Variants in TTC12 observed in about 807,000 individuals in gnomAD.
TTC12 encodes the protein tetratricopeptide repeat protein 12.
Under a neutral mutation model 90.1 loss-of-function variants are expected in TTC12, and 70 were observed. The observed-to-expected ratio is 0.78, with a 90% CI of 0.64 to 0.95. The LOEUF (loss-of-function observed/expected upper bound fraction) is 0.95. TTC12 is among the 40% of genes least tolerant of loss of function. TTC12 has a pLI of 0.00. For synonymous variants in TTC12, 296 were observed against 311.5 expected, an observed-to-expected ratio of 0.95 and a Z score of 0.53; for missense variants, 819 against 846.1, an observed-to-expected ratio of 0.97 and a Z score of 0.40.
At chr11:113,347,795 A>G (rs1361664349) in intron 13 of TTC12, among the ~76,000 whole-genome samples, 1 of 152,184 alleles carries the variant, frequency 6.6e-6, no homozygotes, top group Non-Finnish European at 1.5e-5. Flanking sequence ...GGGTGACTGG[A>G]ATTCATATTC....
At chr11:113,364,158 C>G (rs1236730218) in intron 20 of TTC12, among the ~76,000 whole-genome samples, 1 of 152,192 alleles carries the variant, frequency 6.6e-6, no homozygotes, top group Non-Finnish European at 1.5e-5. Context: ...ACAGATGGCT[C>G]AAAGATAACA....
chr11:113,355,926 A>C (rs1387868572), intron 16 of TTC12, among the ~76,000 whole-genome samples: 2 of 152,176 alleles, frequency 1.3e-5, no homozygotes, highest in African/African-American at 2.4e-5. Flanking sequence ...TGTTGTTTTC[A>C]TTTGGAGAAA....
At chr11:113,350,583 CATT>C (rs1342682944) in intron 14 of TTC12, among the ~76,000 whole-genome samples, 3 of 152,252 alleles carry the variant, frequency 2.0e-5, no homozygotes, top group Non-Finnish European at 4.4e-5. Flanking sequence ...TTGCCAGTGA[CATT>C]ATGAGTAATG....
At chr11:113,368,558 GC>G, downstream of TTC12, 1 of 1,457,828 alleles carries the variant, frequency 6.9e-7, no homozygotes, top group Non-Finnish European at 9.4e-7. Flanking sequence ...CCATCCTGAA[GC>G]CACAGCAGAG....
chr11:113,352,534 T>C lies in TTC12; in HGVS notation c.1446+327T>C, dbSNP rs1026993080. 5.9e-5 allele frequency among the ~76,000 whole-genome samples: 9 copies of C among 152,254 alleles called. No individual in the cohort carries two copies. In the East Asian group the frequency reaches 1.4e-3, roughly 23 times the overall value. ...AGTAAACTTGTGTCATGGGGGTTTG[T>C]TGTACAGATTATTTCGTTACCCAGG... is the stretch of plus-strand genomic sequence containing the variant. On this transcript the variant is annotated intron_variant, in intron 16 of 21. Coordinates refer to ENST00000529221, the MANE Select transcript of TTC12 (RefSeq NM_017868.4).
At chr11:113,365,861 G>A (rs1950175989) in intron 21 of TTC12, among the ~76,000 whole-genome samples, 1 of 152,206 alleles carries the variant, frequency 6.6e-6, no homozygotes, top group Non-Finnish European at 1.5e-5. Flanking sequence ...TTCAAGTTCT[G>A]TCTGGTTGTT....
intron 9 of TTC12, 31 bp downstream of exon 9, chr11:113,338,865 T>C (rs2137986365): frequency 6.2e-7 from 1 of 1,600,662 alleles, no homozygotes; most frequent in Non-Finnish European, 8.6e-7. Flanking sequence ...GTCCTTCATC[T>C]GAACTCCACC....
At chr11:113,362,259 T>G in intron 18 of TTC12, 142 bp from the exon 19 acceptor site, 1 of 620,062 alleles carries the variant, frequency 1.6e-6, no homozygotes, top group Non-Finnish European at 2.9e-6. Context: ...AACAGTGCTT[T>G]CTATTATTTG....
In TTC12 at chr11:113,356,754, T is replaced by C. The variant is rs964018783; in HGVS notation, c.1447-2609T>C. 8.5e-5 allele frequency among the ~76,000 whole-genome samples: 13 copies of C among 152,322 alleles called. No homozygotes were observed. In the East Asian group the frequency reaches 2.5e-3, roughly 29 times the overall value. On this transcript the variant is annotated intron_variant, in intron 16 of 21. Transcript: ENST00000529221. ...TCTATAATGATGTTGAATATTGGCC[T>C]CCAGTCTCTTCTGGGTTGTAGAGTT...
intron 21 of TTC12, 51 bp downstream of exon 21, chr11:113,365,111 A>G (rs1478179464): frequency 4.5e-6 from 7 of 1,555,516 alleles, no homozygotes; most frequent in Non-Finnish European, 6.2e-6. Context: ...AGAGCAGCTG[A>G]GCTGAGGTGC....
chr11:113,366,898 C>T (rs1205031764), downstream of TTC12, among the ~76,000 whole-genome samples: 1 of 152,200 alleles, frequency 6.6e-6, no homozygotes, highest in Non-Finnish European at 1.5e-5. Flanking sequence ...GTCCCTCTGG[C>T]ACCCTCCTCC....
chr11:113,363,427 C>T (rs781184686), intron 19 of TTC12, among the ~76,000 whole-genome samples: 4 of 152,222 alleles, frequency 2.6e-5, no homozygotes, highest in Non-Finnish European at 5.9e-5. Flanking sequence ...GTTCCTCATG[C>T]AGGACTGTCA....
intron 13 of TTC12, among the ~76,000 whole-genome samples, chr11:113,349,778 T>C (rs1229973149): frequency 2.6e-5 from 4 of 152,050 alleles, no homozygotes; most frequent in Non-Finnish European, 5.9e-5. Context: ...TGAGCCAGAG[T>C]CACATGGCAG....
In TTC12 at chr11:113,363,892, A is replaced by T. The variant is rs771429606; in HGVS notation, c.1781A>T (p.His594Leu). ...CTAGCTATCTGCACGAATAGTTATCATGAAGCTCGGGAAGAAGTAATAAGA... is the reference window on the plus strand; with the variant it reads ...CTAGCTATCTGCACGAATAGTTATCTTGAAGCTCGGGAAGAAGTAATAAGA... ...KILAICTNSY[H>L]EAREEVIRLD... Residue 594 changes from histidine (H) to leucine (L), a missense_variant, in exon 20 of 22, where the codon CAT (histidine) becomes CTT (leucine). His to Leu is a moderately conservative substitution (Grantham distance 99). Coordinates refer to ENST00000529221, the MANE Select transcript of TTC12 (RefSeq NM_017868.4). The T allele has an allele frequency of 2.5e-6, 4 of 1,613,976 alleles. No homozygotes were observed. Among genetic ancestry groups the T allele is most frequent in the Admixed American group, 3.3e-5 (2 of 60,036 alleles).
At position 113,316,316 on chromosome 11, in the gene TTC12, GT is replaced by G; in HGVS notation, c.58+2del. ...TTTCTTAAAAATGTGGATGAAATCT[GT>G]AAGTACTAGTAAATCATAAATTAAT... On this transcript the variant is annotated splice_donor_variant, in intron 2 of 21. Coordinates refer to ENST00000529221, the MANE Select transcript of TTC12 (RefSeq NM_017868.4). LOFTEE classifies it high-confidence loss of function. 7.3e-7 allele frequency: 1 copy of G among 1,368,600 alleles called. No homozygotes were observed. Among genetic ancestry groups the G allele is most frequent in the Non-Finnish European group, 9.8e-7 (1 of 1,023,568 alleles). The allele number at this position is 1,368,600 out of a possible 1,614,324, so 84.8% of individuals were successfully genotyped here. A position where few individuals can be genotyped will look rare whatever the true frequency, so the allele number is the denominator to read the frequency against.
At chr11:113,339,697 A>ATACAC in intron 10 of TTC12, 1 of 484,936 alleles carries the variant, frequency 2.1e-6, no homozygotes, top group Non-Finnish European at 3.7e-6. Context: ...TGCAATAAAC[A>ATACAC]TACACAACAC....
At chr11:113,367,853 G>GAGAAT (rs1359146010), downstream of TTC12, among the ~76,000 whole-genome samples, 17 of 115,722 alleles carry the variant, frequency 1.5e-4, no homozygotes, top group African/African-American at 5.4e-4. Flanking sequence ...CAGGCCACTA[G>GAGAAT]CCAGGACCTG....
chr11:113,357,016 G>A (rs1949671976), intron 16 of TTC12, among the ~76,000 whole-genome samples: 1 of 152,122 alleles, frequency 6.6e-6, no homozygotes, highest in Non-Finnish European at 1.5e-5. Flanking sequence ...CCTGAAATAT[G>A]TTTTCCAAAT....
chr11:113,323,926 A>G (rs1947516945), intron 3 of TTC12, 68 bp from the exon 4 acceptor site: 1 of 1,272,896 alleles, frequency 7.9e-7, no homozygotes, highest in Non-Finnish European at 1.1e-6. Flanking sequence ...TTCTTGGTTT[A>G]TATACATATA....
Sources: allele counts gnomAD v4.1 joint callset (sites outside exome capture counted in the v4.1 genomes callset), GRCh38; gene constraint gnomAD v4.1.1; transcripts MANE v1.5; gene names NCBI Gene and HGNC (gene_info 2026-07-23, HGNC 2026-07-21).